The following PATJ variants were observed in gnomAD, a reference collection of about 807,000 sequenced individuals.
PATJ encodes the protein PATJ crumbs cell polarity complex component, also known as inaD-like protein.
In PATJ, 190 loss-of-function variants were observed where a neutral mutation model predicts 224.9. That is an observed-to-expected ratio of 0.84 (90% CI 0.75 to 0.95). The LOEUF (loss-of-function observed/expected upper bound fraction) is 0.95. Among genes scored for constraint, PATJ ranks in the 40% least tolerant of loss-of-function variants. The pLI is 0.00. For missense variants in PATJ, 2,121 were observed against 2,270.3 expected (o/e 0.93, Z 1.34); for synonymous variants, 769 against 820.3 (o/e 0.94, Z 1.07).
intron 29 of PATJ, among the ~76,000 whole-genome samples, chr1:62,019,812 A>C (rs946963437): frequency 6.6e-6 from 1 of 152,136 alleles, no homozygotes; most frequent in African/African-American, 2.4e-5. Context: ...TCAAGAGATT[A>C]AGATGTTGTT....
chr1:62,115,506 C>T (rs1401195283), intron 35 of PATJ, among the ~76,000 whole-genome samples: 1 of 151,206 alleles, frequency 6.6e-6, no homozygotes, highest in African/African-American at 2.4e-5. Flanking sequence ...GTCTATACTG[C>T]TTAACAGTCG....
chr1:62,057,915 A>G (rs1220416270), intron 31 of PATJ, among the ~76,000 whole-genome samples: 1 of 152,246 alleles, frequency 6.6e-6, no homozygotes, highest in Non-Finnish European at 1.5e-5. Context: ...GTACAACTGC[A>G]TAACAGCAGT....
chr1:62,081,258 T>C (rs1165504170), intron 32 of PATJ, among the ~76,000 whole-genome samples: 1 of 152,178 alleles, frequency 6.6e-6, no homozygotes, highest in Non-Finnish European at 1.5e-5. Context: ...TTCTCATGGT[T>C]AAATAATAAA....
chr1:61,799,265 T>C lies in PATJ; in HGVS notation c.1402+1837T>C, dbSNP rs546769893. Among the ~76,000 whole-genome samples the C allele has an allele frequency of 2.6e-5, 4 of 152,304 alleles. No homozygotes were observed. In the East Asian group the frequency reaches 7.7e-4, roughly 29 times the overall value. ...TGGAGTGCAATGGCGCGATCTTGGC[T>C]CACTGCAACTTCCACCTCCTGTGTT... On this transcript the variant is annotated intron_variant, in intron 11 of 43. Coordinates refer to ENST00000642238, the MANE Select transcript of PATJ (RefSeq NM_001350145.3).
intron 1 of PATJ, among the ~76,000 whole-genome samples, chr1:61,757,080 CTTTTT>C (rs55788991): frequency 3.1e-5 from 4 of 129,184 alleles, no homozygotes; most frequent in African/African-American, 8.7e-5. Context: ...GTCACTTTTA[CTTTTT>C]TTTTTTTTTT....
chr1:62,144,789 T>TA (rs1667872158), intron 41 of PATJ, among the ~76,000 whole-genome samples: 1 of 145,136 alleles, frequency 6.9e-6, no homozygotes, highest in African/African-American at 2.6e-5. Flanking sequence ...TATATATATA[T>TA]ATATATAATT....
At chr1:62,076,695 A>G (rs1189632532) in intron 31 of PATJ, among the ~76,000 whole-genome samples, 1 of 152,228 alleles carries the variant, frequency 6.6e-6, no homozygotes. Flanking sequence ...AAGAAAAGCA[A>G]CAATCATCTC....
chr1:62,123,416 T>C (rs1665323642), intron 39 of PATJ, among the ~76,000 whole-genome samples: 1 of 151,470 alleles, frequency 6.6e-6, no homozygotes, highest in Non-Finnish European at 1.5e-5. Flanking sequence ...GAGCATATAG[T>C]ATGATTTTTA....
chr1:62,119,192 A>G (rs1664783559), intron 37 of PATJ, among the ~76,000 whole-genome samples: 1 of 152,194 alleles, frequency 6.6e-6, no homozygotes, highest in Non-Finnish European at 1.5e-5. Flanking sequence ...CCTTGTGCTT[A>G]AAATTATGGG....
chr1:61,801,565 A>G (rs1156754702), intron 11 of PATJ, 58 bp from the exon 12 acceptor site: 4 of 1,077,214 alleles, frequency 3.7e-6, no homozygotes, highest in Non-Finnish European at 5.1e-6. Context: ...GTCCTCAACA[A>G]CTAATAATTC....
At chr1:62,145,107 G>T (rs536793592) in intron 41 of PATJ, among the ~76,000 whole-genome samples, 13 of 152,202 alleles carry the variant, frequency 8.5e-5, no homozygotes, top group Non-Finnish European at 1.8e-4. Context: ...GAGCCACCGT[G>T]CACAGCCTAT....
intron 27 of PATJ, among the ~76,000 whole-genome samples, chr1:61,989,806 A>T (rs1358294888): frequency 6.6e-6 from 1 of 152,202 alleles, no homozygotes; most frequent in Non-Finnish European, 1.5e-5. Context: ...TCTTAGGAGG[A>T]AATAAAATAA....
chr1:62,073,165 A>G, intron 31 of PATJ: 1 of 985,388 alleles, frequency 1.0e-6, no homozygotes, highest in Non-Finnish European at 1.2e-6. Context: ...TCCAAAAGAA[A>G]AGGAGGTGAT....
rs1558235712 is a variant in PATJ, at chr1:62,148,120, T to TAAAAAAA, written c.5272-164_5272-163insAAAAAAA. On this transcript the variant is annotated intron_variant, in intron 41 of 43. Transcript: ENST00000642238. ...TGAGCAACAGAGTGAGACACTGTCT[T>TAAAAAAA]TAAAAAAAAAAAAAAAAAAAAGTTT... Among the ~76,000 whole-genome samples, 482 of 108,434 alleles carry TAAAAAAA rather than the reference T, an allele frequency of 4.4e-3. 45 individuals are homozygous for TAAAAAAA. Among genetic ancestry groups the TAAAAAAA allele is most frequent in the African/African-American group, 0.014 (405 of 29,368 alleles). The allele number at this position is 108,434 out of a possible 152,430, so 71.1% of individuals were successfully genotyped here. A position where few individuals can be genotyped will look rare whatever the true frequency, so the allele number is the denominator to read the frequency against.
chr1:62,132,553 G>A (rs1666369486), intron 41 of PATJ, among the ~76,000 whole-genome samples: 1 of 151,976 alleles, frequency 6.6e-6, no homozygotes, highest in Admixed American at 6.6e-5. Context: ...CTGTAATGGG[G>A]GTAAAGGAGC....
At position 61,805,604 on chromosome 1, in the gene PATJ, G is replaced by T. The variant is rs189656721; in HGVS notation, c.1626+80G>T. 299 of 857,828 alleles carry T rather than the reference G, an allele frequency of 3.5e-4. No individual in the cohort carries two copies. The African/African-American group carries it at 4.1e-3, about 12-fold the overall frequency. The allele number at this position is 857,828 out of a possible 1,614,324, so 53.1% of individuals were successfully genotyped here. On this transcript the variant is annotated intron_variant, in intron 13 of 43. Coordinates refer to ENST00000642238, the MANE Select transcript of PATJ (RefSeq NM_001350145.3). ...CTAACAGTACGATCCAAAGAAATGGGTGAGTCAAAGAATAGCCCGCCTGAC... is the reference window on the plus strand; with the variant it reads ...CTAACAGTACGATCCAAAGAAATGGTTGAGTCAAAGAATAGCCCGCCTGAC...
intron 30 of PATJ, among the ~76,000 whole-genome samples, chr1:62,048,545 C>CAAAAAAAAAAAAAAAAAAAAAAA (rs773157635): frequency 3.0e-4 from 20 of 66,170 alleles, no homozygotes; most frequent in East Asian, 8.4e-4. Flanking sequence ...GACTCTGTCT[C>CAAAAAAAAAAAAAAAAAAAAAAA]AAAAAAAAAA....
At chr1:61,810,333 TTAGAG>T (rs751884941) in intron 14 of PATJ, among the ~76,000 whole-genome samples, 2 of 152,118 alleles carry the variant, frequency 1.3e-5, no homozygotes, top group Admixed American at 6.6e-5. Context: ...CAAAGTCAGA[TTAGAG>T]TAGTGACTAA....
chr1:61,780,189 T>C (rs1647168874), intron 7 of PATJ, among the ~76,000 whole-genome samples: 1 of 151,946 alleles, frequency 6.6e-6, no homozygotes, highest in Admixed American at 6.6e-5. Flanking sequence ...TGTGGCTGGG[T>C]GCAGTGGCTC....
Sources: allele counts gnomAD v4.1 joint callset (sites outside exome capture counted in the v4.1 genomes callset), GRCh38; gene constraint gnomAD v4.1.1; transcripts MANE v1.5; gene names NCBI Gene and HGNC (gene_info 2026-07-23, HGNC 2026-07-21).